SLC14A1: variants seen among roughly 807,000 people sequenced by gnomAD.
SLC14A1 encodes the protein urea transporter 1.
A neutral mutation model predicts 39.6 loss-of-function variants in SLC14A1; 36 were observed. The observed-to-expected ratio is 0.91, with a 90% confidence interval of 0.70 to 1.20. The LOEUF (loss-of-function observed/expected upper bound fraction) is 1.20, where lower values mean the gene tolerates loss of function less well. Among genes scored for constraint, SLC14A1 ranks in the 50% most tolerant of loss-of-function variants. The pLI is 0.00. For missense variants in SLC14A1, 469 were observed against 478.7 expected, an observed-to-expected ratio of 0.98 and a Z score of 0.19; for synonymous variants, 164 against 173.6, an observed-to-expected ratio of 0.94 and a Z score of 0.43.
intron 8 of SLC14A1, among the ~76,000 whole-genome samples, chr18:45,742,352 G>GTTTTTTT (rs1491390496): frequency 3.0e-4 from 31 of 104,974 alleles, no homozygotes; most frequent in East Asian, 1.2e-3. Flanking sequence ...TTTGTTTTTT[G>GTTTTTTT]GTTTTTTTTT....
chr18:45,725,120 A>T (rs1395754824), intron 2 of SLC14A1, 107 bp downstream of exon 2: 1 of 152,218 alleles, frequency 6.6e-6, no homozygotes, highest in Non-Finnish European at 1.5e-5. Flanking sequence ...TATTATTTTT[A>T]AAAGTAATAG....
chr18:45,731,213 A>C lies in SLC14A1; in HGVS notation c.341+9A>C, dbSNP rs750993870. 2 of 1,612,882 alleles carry C rather than the reference A, an allele frequency of 1.2e-6. No homozygotes were observed. Among genetic ancestry groups the C allele is most frequent in the Non-Finnish European group, 1.7e-6 (2 of 1,179,804 alleles). The stretch of plus-strand genomic sequence containing the variant: ...TTGCTCAGCCAGGACAGGTAGGTGT[A>C]CCCTTTCAAGCCTTCTCAGCTCCCT... On this transcript the variant is annotated intron_variant, in intron 4 of 9. Coordinates refer to ENST00000321925, the MANE Select transcript of SLC14A1 (RefSeq NM_015865.7).
chr18:45,735,349 GT>G (rs2047161036), intron 5 of SLC14A1, among the ~76,000 whole-genome samples: 1 of 152,214 alleles, frequency 6.6e-6, no homozygotes, highest in Non-Finnish European at 1.5e-5. Context: ...GAGAATTTGC[GT>G]TTCTAACGCA....
At chr18:45,743,771 C>T (rs1195917952) in intron 8 of SLC14A1, among the ~76,000 whole-genome samples, 2 of 152,156 alleles carry the variant, frequency 1.3e-5, no homozygotes, top group African/African-American at 2.4e-5. Context: ...ATTTTCTCCT[C>T]TCAATTGCTT....
At chr18:45,742,905 C>A (rs1214012857) in intron 8 of SLC14A1, among the ~76,000 whole-genome samples, 1 of 152,164 alleles carries the variant, frequency 6.6e-6, no homozygotes, top group African/African-American at 2.4e-5. Context: ...CCAGGCTGGT[C>A]TTGAACTCCT....
rs148945906 is a variant in SLC14A1 at position 45,725,444 on chromosome 18, T to C, written c.-22+431T>C. ...GCTTTGAGGCACAGGGAGACATTTG[T>C]TTGTCAGAGAGTAACTGCTTCTGGC... On this transcript the variant is annotated intron_variant, in intron 2 of 9. Transcript: ENST00000321925. Among the ~76,000 whole-genome samples, 1,014 of 152,320 alleles carry C rather than the reference T, an allele frequency of 6.7e-3. 13 individuals are homozygous for C. Among genetic ancestry groups the C allele is most frequent in the Middle Eastern group, 0.02 (6 of 294 alleles).
chr18:45,745,483 G>A (rs1477248031), intron 8 of SLC14A1, among the ~76,000 whole-genome samples: 2 of 152,074 alleles, frequency 1.3e-5, no homozygotes, highest in Admixed American at 6.5e-5. Context: ...CAAGGCTGTG[G>A]AGATGGTGAC....
At chr18:45,742,886 C>T (rs2047428367) in intron 8 of SLC14A1, among the ~76,000 whole-genome samples, 2 of 152,276 alleles carry the variant, frequency 1.3e-5, no homozygotes, top group East Asian at 3.9e-4. Context: ...TGGGGTTTCA[C>T]CATGTTGGCC....
At chr18:45,727,415 A>T in intron 2 of SLC14A1, 1 of 1,547,686 alleles carries the variant, frequency 6.5e-7, no homozygotes, top group South Asian at 1.2e-5. Flanking sequence ...GGTCGCAGGA[A>T]CAGGTATGCT....
intron 8 of SLC14A1, among the ~76,000 whole-genome samples, chr18:45,745,123 G>T (rs1317554169): frequency 6.6e-6 from 1 of 152,168 alleles, no homozygotes. Context: ...CGCGCCTATA[G>T]TCCCAGCTAC....
intron 9 of SLC14A1, 61 bp from the exon 10 acceptor site, chr18:45,749,717 T>G: frequency 2.5e-6 from 4 of 1,598,770 alleles, no homozygotes; most frequent in Non-Finnish European, 3.4e-6. Flanking sequence ...GGGGATGCCT[T>G]GTGCAGCTCA....
chr18:45,747,836 A>G (rs1170754105), intron 8 of SLC14A1, among the ~76,000 whole-genome samples: 1 of 152,184 alleles, frequency 6.6e-6, no homozygotes, highest in Non-Finnish European at 1.5e-5. Context: ...TTTTGTAAAC[A>G]TGGTTTTGTT....
In SLC14A1 at chr18:45,751,926, G is replaced by T; in HGVS notation, c.*1975G>T. ...TGAAGATTTTTTCCACTTCTAGTTT[G>T]CAGTGCTCAGTGCACAATATACATT... On this transcript the variant is annotated 3_prime_UTR_variant, in exon 10 of 10. Coordinates refer to ENST00000321925, the MANE Select transcript of SLC14A1 (RefSeq NM_015865.7). The T allele has an allele frequency of 2.0e-6, 2 of 985,296 alleles. No homozygotes were observed. Among genetic ancestry groups the T allele is most frequent in the Non-Finnish European group, 2.4e-6 (2 of 829,916 alleles). The allele number at this position is 985,296 out of a possible 1,614,324, so 61.0% of individuals were successfully genotyped here. A position where few individuals can be genotyped will look rare whatever the true frequency, so the allele number is the denominator to read the frequency against.
At chr18:45,728,989 A>G (rs1883287775) in intron 2 of SLC14A1, 1 of 152,148 alleles carries the variant, frequency 6.6e-6, no homozygotes, top group South Asian at 2.1e-4. Context: ...CTAGAGTTCA[A>G]CTTTTTTTAA....
chr18:45,735,502 G>A (rs1419251150), intron 5 of SLC14A1, among the ~76,000 whole-genome samples: 2 of 151,224 alleles, frequency 1.3e-5, no homozygotes, highest in African/African-American at 2.4e-5. Context: ...TTTTTATGTT[G>A]ACAATGTCTT....
intron 5 of SLC14A1, among the ~76,000 whole-genome samples, chr18:45,734,762 A>G (rs2047137277): frequency 6.6e-6 from 1 of 150,730 alleles, no homozygotes. Flanking sequence ...GGAGGAGGAG[A>G]AGGATGGAAA....
intron 8 of SLC14A1, among the ~76,000 whole-genome samples, chr18:45,742,522 G>C (rs28897968): frequency 0.31 from 46,606 of 151,330 alleles, 7,923 homozygotes; most frequent in Non-Finnish European, 0.38. Flanking sequence ...ATCACGCCTA[G>C]CTAATTTTTG....
chr18:45,729,656 C>T (rs2046970293), intron 2 of SLC14A1: 1 of 152,016 alleles, frequency 6.6e-6, no homozygotes, highest in African/African-American at 2.4e-5. Context: ...TAACAAATTC[C>T]AAAAGTAAAG....
Position 45,749,944 on chromosome 18 carries a change from C to T in SLC14A1, c.1163C>T (p.Pro388Leu), listed in dbSNP as rs1226640955. ...GCCAAGAAAAGAATGGTGGAAAGCCCTTTGTGAGAACAAGCCCCATTTGCA... is the reference window on the plus strand; with the variant it reads ...GCCAAGAAAAGAATGGTGGAAAGCCTTTTGTGAGAACAAGCCCCATTTGCA... ...LQAKKRMVES[P>L]L The change falls in exon 10 of 10, where the codon CCT (proline) becomes CTT (leucine). Residue 388 changes from proline to leucine, a missense_variant. By Grantham distance (98) the Pro-to-Leu change is moderately conservative (BLOSUM62 -3). Coordinates refer to ENST00000321925, the MANE Select transcript of SLC14A1 (RefSeq NM_015865.7). 6.2e-7 allele frequency: 1 copy of T among 1,614,186 alleles called. No individual in the cohort carries two copies. Among genetic ancestry groups the T allele is most frequent in the Non-Finnish European group, 8.5e-7 (1 of 1,180,030 alleles).
Sources: gnomAD v4.1 joint callset for allele counts (sites outside exome capture counted in the v4.1 genomes callset) on GRCh38, gnomAD v4.1.1 for gene constraint, MANE v1.5 for transcripts, NCBI Gene and HGNC (gene_info 2026-07-23, HGNC 2026-07-21) for gene names.